SLC24A2: variants seen among roughly 807,000 people sequenced by gnomAD.
The protein encoded by SLC24A2 is sodium/potassium/calcium exchanger 2.
Under a neutral mutation model 62.0 loss-of-function variants are expected in SLC24A2, and 36 were observed. The observed-to-expected ratio is 0.58, with a 90% CI of 0.44 to 0.77. The LOEUF is 0.77. Among genes scored for constraint, SLC24A2 ranks in the 30% least tolerant of loss-of-function variants. The pLI is 0.00. For synonymous variants in SLC24A2, 358 were observed against 294.0 expected (o/e 1.22, Z -2.23); for missense variants, 846 against 817.9 (o/e 1.03, Z -0.42).
rs755418671 is a variant in SLC24A2 at position 19,520,981 on chromosome 9, A to G, written c.1649T>C (p.Ile550Thr). 1 of 1,614,086 alleles carries G rather than the reference A, an allele frequency of 6.2e-7. No homozygotes were observed. The highest frequency in any genetic ancestry group is 8.5e-7 in the Non-Finnish European group (1 of 1,179,972). ...LAAGTSIPDL[I>T]TSVIVARKGL... ...CTTCCGGGCCACTATGACACTGGTG[A>G]TAAGATCAGGGATGGAGGTCCCAGC... The change falls in exon 10 of 11, where the codon ATC becomes ACC. Residue 550 changes from isoleucine to threonine, a missense_variant. Ile to Thr is a moderately conservative substitution (Grantham distance 89). Transcript: ENST00000341998.
chr9:19,846,853 C>T, the SLC24A2 span, among the ~76,000 whole-genome samples: 8 of 151,680 alleles, frequency 5.3e-5, no homozygotes, highest in East Asian at 1.6e-3. Context: ...ATAGTGAGAC[C>T]CCATCTCTGC....
chr9:20,073,223 A>G, the SLC24A2 span, among the ~76,000 whole-genome samples: 7 of 152,160 alleles, frequency 4.6e-5, no homozygotes, highest in Non-Finnish European at 8.8e-5. Flanking sequence ...CTTTTAAGCC[A>G]TACTTATTAG....
At chr9:19,870,494 A>G in the SLC24A2 span, among the ~76,000 whole-genome samples, 1 of 152,058 alleles carries the variant, frequency 6.6e-6, no homozygotes, top group Non-Finnish European at 1.5e-5. Context: ...TTGTAGGGTT[A>G]TATGTTTTCA....
intron 2 of SLC24A2, among the ~76,000 whole-genome samples, chr9:19,677,622 T>TA (rs1344106590): frequency 6.6e-6 from 1 of 152,122 alleles, no homozygotes; most frequent in Non-Finnish European, 1.5e-5. Context: ...TTAAACTGAA[T>TA]AAAACCTTCA....
the SLC24A2 span, among the ~76,000 whole-genome samples, chr9:20,248,404 A>G: frequency 2.0e-5 from 3 of 152,212 alleles, no homozygotes; most frequent in Non-Finnish European, 2.9e-5. Flanking sequence ...AATTTCTCAC[A>G]GTTCTGGAGG....
At chr9:19,668,157 G>A (rs1459579581) in intron 2 of SLC24A2, among the ~76,000 whole-genome samples, 1 of 152,106 alleles carries the variant, frequency 6.6e-6, no homozygotes, top group South Asian at 2.1e-4. Context: ...TATGATCTCA[G>A]TTGTTCATTG....
chr9:19,765,396 G>A (rs1822481912), intron 2 of SLC24A2, among the ~76,000 whole-genome samples: 1 of 152,124 alleles, frequency 6.6e-6, no homozygotes, highest in Non-Finnish European at 1.5e-5. Context: ...TAGTGCCGAT[G>A]GTCTTTACAT....
chr9:20,190,738 T>TA, the SLC24A2 span, among the ~76,000 whole-genome samples: 1 of 152,100 alleles, frequency 6.6e-6, no homozygotes, highest in Non-Finnish European at 1.5e-5. Context: ...AAATAAAAAT[T>TA]AAAAAAATCC....
chr9:19,808,807 A>G, the SLC24A2 span, among the ~76,000 whole-genome samples: 1 of 152,114 alleles, frequency 6.6e-6, no homozygotes, highest in Non-Finnish European at 1.5e-5. The surrounding 1 kb of genome is among the most constrained non-coding windows in gnomAD (Gnocchi z 4.1). Context: ...CCTCCTCTAC[A>G]TTCTGTTTGC....
intron 5 of SLC24A2, among the ~76,000 whole-genome samples, chr9:19,585,281 C>T (rs1774942722): frequency 6.6e-6 from 1 of 152,032 alleles, no homozygotes; most frequent in South Asian, 2.1e-4. Context: ...TTCTTTTATT[C>T]TGTGGGCCCA....
At chr9:19,559,578 G>A (rs1018069408) in intron 7 of SLC24A2, among the ~76,000 whole-genome samples, 1 of 152,158 alleles carries the variant, frequency 6.6e-6, no homozygotes, top group African/African-American at 2.4e-5. Flanking sequence ...TGGAACTCTT[G>A]AAGGTAAAAT....
At chr9:20,158,384 G>A in the SLC24A2 span, among the ~76,000 whole-genome samples, 1 of 151,594 alleles carries the variant, frequency 6.6e-6, no homozygotes, top group South Asian at 2.1e-4. Flanking sequence ...GTCAGGAGGG[G>A]TCCACCCCCA....
chr9:20,177,058 A>C, the SLC24A2 span, among the ~76,000 whole-genome samples: 1 of 152,046 alleles, frequency 6.6e-6, no homozygotes, highest in Non-Finnish European at 1.5e-5. Context: ...AATTATTACC[A>C]TGGTTATTTT....
At chr9:19,791,998 G>A (rs1823325109), upstream of SLC24A2, among the ~76,000 whole-genome samples, 1 of 152,040 alleles carries the variant, frequency 6.6e-6, no homozygotes, top group African/African-American at 2.4e-5. Flanking sequence ...TTGAAGAGGA[G>A]GCTTTCAAAA....
At chr9:19,861,231 C>T in the SLC24A2 span, among the ~76,000 whole-genome samples, 15 of 152,210 alleles carry the variant, frequency 9.9e-5, no homozygotes, top group South Asian at 2.9e-3. Flanking sequence ...CCAGGTGGCT[C>T]AGAGCAGAAA....
At chr9:19,573,995 G>T (rs772121791) in intron 6 of SLC24A2, among the ~76,000 whole-genome samples, 27 of 152,174 alleles carry the variant, frequency 1.8e-4, no homozygotes, top group Admixed American at 1.7e-3. Context: ...GGGCTTCAGG[G>T]TCCTAGACTT....
intron 8 of SLC24A2, among the ~76,000 whole-genome samples, chr9:19,548,509 T>C (rs1834690665): frequency 6.6e-6 from 1 of 152,210 alleles, no homozygotes; most frequent in African/African-American, 2.4e-5. Context: ...CTCAAGGCCT[T>C]GGGCTCTCAG....
chr9:20,155,366 T>G, the SLC24A2 span, among the ~76,000 whole-genome samples: 1 of 151,842 alleles, frequency 6.6e-6, no homozygotes, highest in East Asian at 2.0e-4. Flanking sequence ...CTCCTAATAT[T>G]GGACTGACTT....
the SLC24A2 span, among the ~76,000 whole-genome samples, chr9:19,899,216 G>A: frequency 1.6e-4 from 24 of 152,338 alleles, no homozygotes; most frequent in Admixed American, 1.3e-3. Flanking sequence ...TTGCCGCAAG[G>A]GAGACTGGGA....
Sources: allele counts gnomAD v4.1 joint callset (sites outside exome capture counted in the v4.1 genomes callset), GRCh38; gene constraint gnomAD v4.1.1; non-coding constraint Gnocchi (gnomAD v3.1); transcripts MANE v1.5; gene names NCBI Gene and HGNC (gene_info 2026-07-23, HGNC 2026-07-21).